Variants in CLASP1 observed in about 807,000 individuals in gnomAD.
The protein encoded by CLASP1 is cytoplasmic linker associated protein 1, also known as CLIP-associating protein 1.
A neutral mutation model predicts 192.3 loss-of-function variants in CLASP1; 38 were observed. The ratio of observed to expected loss-of-function variants is 0.20; its 90% CI spans 0.15 to 0.26. CLASP1 has a LOEUF of 0.26. Among genes scored for constraint, CLASP1 ranks in the 10% least tolerant of loss-of-function variants. The probability of loss-of-function intolerance (pLI) is 1.00; values close to 1 mark genes in which losing one functional copy is unlikely to be tolerated. For missense variants in CLASP1, 1,433 were observed against 1,932.5 expected (o/e 0.74, Z 4.85); for synonymous variants, 691 against 712.8 (o/e 0.97, Z 0.49).
chr2:121,433,491 AC>A (rs2081811685), intron 19 of CLASP1, among the ~76,000 whole-genome samples: 1 of 152,238 alleles, frequency 6.6e-6, no homozygotes, highest in South Asian at 2.1e-4. Flanking sequence ...ACGGCGGCTC[AC>A]GCCTGTAACC....
intron 8 of CLASP1, among the ~76,000 whole-genome samples, chr2:121,481,237 T>C (rs2092573646): frequency 6.6e-6 from 1 of 152,076 alleles, no homozygotes; most frequent in Non-Finnish European, 1.5e-5. Context: ...TCTTCAAAAA[T>C]ATTTCAATAG....
In CLASP1 at chr2:121,375,826, CATG is replaced by C. The variant is rs375945211; in HGVS notation, c.3642+1670_3642+1672del. Among the ~76,000 whole-genome samples the C allele has an allele frequency of 4.9e-3, 748 of 152,238 alleles. 8 individuals carry two copies. Among genetic ancestry groups the C allele is most frequent in the African/African-American group, 0.017 (725 of 41,518 alleles). ...CATGAGACTGGAGCTCTCAGAAAGC[CATG>C]GTGGTGTCTGGTTCAGGCTCACTAT... On this transcript the variant is annotated intron_variant, in intron 34 of 39. Coordinates refer to ENST00000263710, the Ensembl canonical transcript of CLASP1.
chr2:121,478,642 C>A (rs2091966795), intron 8 of CLASP1, among the ~76,000 whole-genome samples: 1 of 114,236 alleles, frequency 8.8e-6, no homozygotes, highest in Non-Finnish European at 1.7e-5. Flanking sequence ...CACACACACA[C>A]ACCCCCCACA....
At chr2:121,548,657 A>G (rs1030531307) in intron 2 of CLASP1, among the ~76,000 whole-genome samples, 2 of 152,174 alleles carry the variant, frequency 1.3e-5, no homozygotes, top group Non-Finnish European at 2.9e-5. Flanking sequence ...AAAGGCAGCT[A>G]GAGAGAAAGG....
intron 19 of CLASP1, among the ~76,000 whole-genome samples, chr2:121,439,403 C>A (rs1344300809): frequency 6.6e-6 from 1 of 152,004 alleles, no homozygotes; most frequent in Non-Finnish European, 1.5e-5. Flanking sequence ...TTTTCTAGTT[C>A]TTTTAATTGT....
chr2:121,440,742 T>C (rs1466677408), intron 19 of CLASP1, among the ~76,000 whole-genome samples: 2 of 151,758 alleles, frequency 1.3e-5, no homozygotes, highest in African/African-American at 4.8e-5. Context: ...ATACTTCAGT[T>C]CTGTATTATA....
At chr2:121,475,874 C>T (rs1369426669) in intron 8 of CLASP1, among the ~76,000 whole-genome samples, 1 of 152,186 alleles carries the variant, frequency 6.6e-6, no homozygotes, top group African/African-American at 2.4e-5. Context: ...GGGTAGAAAT[C>T]TGAAATAAGC....
intron 8 of CLASP1, among the ~76,000 whole-genome samples, chr2:121,473,850 C>G (rs947589959): frequency 3.9e-5 from 6 of 152,054 alleles, no homozygotes; most frequent in Non-Finnish European, 8.8e-5. Flanking sequence ...AATTCTATAT[C>G]CAGTGAAAAC....
chr2:121,414,194 C>T (rs138654156), intron 23 of CLASP1, among the ~76,000 whole-genome samples: 5 of 152,230 alleles, frequency 3.3e-5, no homozygotes, highest in South Asian at 2.1e-4. Flanking sequence ...CCTGGAATGA[C>T]GTCGAGAGGC....
intron 9 of CLASP1, among the ~76,000 whole-genome samples, chr2:121,466,796 G>A (rs2089676630): frequency 2.0e-5 from 3 of 152,178 alleles, no homozygotes; most frequent in Admixed American, 2.0e-4. Flanking sequence ...AACAAAATGT[G>A]TTTTATCTTA....
chr2:121,546,003 A>G (rs1056969997), intron 2 of CLASP1, among the ~76,000 whole-genome samples: 1 of 152,236 alleles, frequency 6.6e-6, no homozygotes, highest in Non-Finnish European at 1.5e-5. Context: ...TCTTAGAAGT[A>G]TGGCATGCTT....
intron 8 of CLASP1, among the ~76,000 whole-genome samples, chr2:121,473,048 A>T (rs1288548130): frequency 7.2e-5 from 11 of 152,208 alleles, no homozygotes; most frequent in Admixed American, 7.2e-4. Context: ...ACAATATCTA[A>T]TAAAAAATTC....
At chr2:121,527,685 A>C in intron 5 of CLASP1, 114 bp downstream of exon 5, 1 of 748,288 alleles carries the variant, frequency 1.3e-6, no homozygotes, top group Non-Finnish European at 2.2e-6. Context: ...TAAAGGGGGC[A>C]TGAGATCTCA....
rs189396706 is a variant in CLASP1 at position 121,566,246 on chromosome 2, C to T, written c.196-35921G>A. On this transcript the variant is annotated intron_variant, in intron 2 of 39. Coordinates refer to ENST00000263710, the Ensembl canonical transcript of CLASP1. ...AAAGCAGTGGGACCACAGGCCAGAC[C>T]TCAAGGTGCCTTGCATTTCTTGGAC... 3.2e-3 allele frequency among the ~76,000 whole-genome samples: 495 copies of T among 152,346 alleles called. 2 individuals carry two copies. The highest frequency in any genetic ancestry group is 0.01 in the African/African-American group (425 of 41,580).
intron 37 of CLASP1, 67 bp from the exon 39 acceptor site, chr2:121,348,785 C>T: frequency 7.2e-7 from 1 of 1,382,472 alleles, no homozygotes; most frequent in Non-Finnish European, 9.7e-7. Flanking sequence ...CCAAACATCA[C>T]TTTTGATTTC....
intron 2 of CLASP1, among the ~76,000 whole-genome samples, chr2:121,596,815 T>C (rs1285424031): frequency 1.3e-5 from 2 of 152,204 alleles, no homozygotes; most frequent in African/African-American, 4.8e-5. Context: ...TTATACAAAT[T>C]CCTATGATGC....
At chr2:121,634,388 G>C (rs1373101469) in intron 1 of CLASP1, among the ~76,000 whole-genome samples, 1 of 152,080 alleles carries the variant, frequency 6.6e-6, no homozygotes, top group Non-Finnish European at 1.5e-5. Context: ...AAGACTCTCT[G>C]TTTTTAGGCC....
chr2:121,554,456 A>AAC (rs2058347300), intron 2 of CLASP1, among the ~76,000 whole-genome samples: 1 of 49,462 alleles, frequency 2.0e-5, no homozygotes, highest in African/African-American at 6.3e-5. Context: ...ACAAAAAGTA[A>AAC]AAAAAAAAAA....
At chr2:121,382,240 G>C in exon 33 of CLASP1, 1 of 1,609,422 alleles carries the variant, frequency 6.2e-7, no homozygotes, top group Non-Finnish European at 8.5e-7. Context: ...GAGCCTTGTG[G>C]GAGGGAGCGG....
Sources: gnomAD v4.1 joint callset for allele counts (sites outside exome capture counted in the v4.1 genomes callset) on GRCh38, gnomAD v4.1.1 for gene constraint, MANE v1.5 for transcripts, NCBI Gene and HGNC (gene_info 2026-07-23, HGNC 2026-07-21) for gene names.